The following PARD3B variants were observed in gnomAD, a reference collection of about 807,000 sequenced individuals.
PARD3B encodes partitioning defective 3 homolog B.
PARD3B carries 103 observed loss-of-function variants against 130.2 expected under a neutral mutation model. That is an observed-to-expected ratio of 0.79 (90% CI 0.67 to 0.93). PARD3B has a LOEUF of 0.93. PARD3B is among the 40% of genes least tolerant of loss of function. PARD3B has a pLI of 0.00. For synonymous variants in PARD3B, 583 were observed against 553.2 expected (o/e 1.05, Z -0.76); for missense variants, 1,609 against 1,499.2 (o/e 1.07, Z -1.21).
chr2:205,209,316 A>C (rs1172993471), intron 15 of PARD3B, among the ~76,000 whole-genome samples: 1 of 151,730 alleles, frequency 6.6e-6, no homozygotes, highest in Non-Finnish European at 1.5e-5. Flanking sequence ...ATGGGCAAGG[A>C]CTTCATGTCT....
In PARD3B at chr2:204,691,550, G is replaced by A. The variant is rs180996535; in HGVS notation, c.222+5268G>A. On this transcript the variant is annotated intron_variant, in intron 2 of 22. Transcript: ENST00000406610. ...TTGGGCAAGCTTCTTCATCTCTCTG[G>A]TCTTGGTTTCCCCATTTGTAAAATG... Among the ~76,000 whole-genome samples the A allele has an allele frequency of 2.8e-4, 43 of 152,080 alleles. No homozygotes were observed. The East Asian group carries it at 8.3e-3, about 29-fold the overall frequency.
chr2:205,273,351 C>CTCCT (rs1384006589), intron 16 of PARD3B, among the ~76,000 whole-genome samples: 1 of 152,230 alleles, frequency 6.6e-6, no homozygotes, highest in Non-Finnish European at 1.5e-5. Flanking sequence ...AAAGAGTTCG[C>CTCCT]TCCTTTGTTA....
At chr2:205,184,465 C>A (rs6719270) in intron 13 of PARD3B, among the ~76,000 whole-genome samples, 16 of 151,864 alleles carry the variant, frequency 1.1e-4, no homozygotes. Flanking sequence ...TAGTTTGGCC[C>A]GGCGCGGTGG....
At chr2:204,746,738 C>T (rs1275058132) in intron 2 of PARD3B, among the ~76,000 whole-genome samples, 24 of 152,116 alleles carry the variant, frequency 1.6e-4, no homozygotes, top group South Asian at 4.2e-4. Flanking sequence ...CCAGTGATGA[C>T]GAGCGTTTTT....
intron 2 of PARD3B, among the ~76,000 whole-genome samples, chr2:204,718,091 G>T (rs776242353): frequency 5.9e-5 from 9 of 152,090 alleles, no homozygotes; most frequent in African/African-American, 1.2e-4. Flanking sequence ...CGTATCATGA[G>T]AAATGAAAGC....
intron 4 of PARD3B, among the ~76,000 whole-genome samples, chr2:205,100,704 A>G (rs1702712456): frequency 1.3e-5 from 2 of 152,104 alleles, no homozygotes. Flanking sequence ...TGGAAAATTC[A>G]TTTTCTTTAA....
chr2:204,945,348 A>G (rs1205372428), intron 2 of PARD3B, among the ~76,000 whole-genome samples: 1 of 152,198 alleles, frequency 6.6e-6, no homozygotes, highest in East Asian at 1.9e-4. Flanking sequence ...GAAACTGCAT[A>G]CTTGTATAAG....
At chr2:205,247,902 A>G (rs1574495519) in intron 16 of PARD3B, among the ~76,000 whole-genome samples, 1 of 152,034 alleles carries the variant, frequency 6.6e-6, no homozygotes, top group African/African-American at 2.4e-5. Context: ...CTCTAAGAAC[A>G]TACCCTTCCC....
chr2:204,555,634 G>A (rs750069107), intron 1 of PARD3B, among the ~76,000 whole-genome samples: 3 of 152,112 alleles, frequency 2.0e-5, no homozygotes, highest in Non-Finnish European at 4.4e-5. Context: ...GAACCTGGAA[G>A]GTCTTGAGGA....
At chr2:204,853,843 A>G (rs2044809607) in intron 2 of PARD3B, among the ~76,000 whole-genome samples, 1 of 152,216 alleles carries the variant, frequency 6.6e-6, no homozygotes, top group Non-Finnish European at 1.5e-5. Flanking sequence ...TTAATAAGTA[A>G]TTGCACAAAT....
rs955110579 is a variant in PARD3B at position 205,078,363 on chromosome 2, G to T, written c.505-26063G>T. On this transcript the variant is annotated intron_variant, in intron 4 of 22. Transcript: ENST00000406610. The surrounding 1 kb of genome is among the most constrained non-coding windows in gnomAD (Gnocchi z 4.0). ...TCATTCTTCATAATTTTTATTAATT[G>T]TATGGTTTTCCTTTTATGTTTTCAG... is the stretch of plus-strand genomic sequence containing the variant. 1.3e-5 allele frequency among the ~76,000 whole-genome samples: 2 copies of T among 152,090 alleles called. No homozygotes were observed. Among genetic ancestry groups the T allele is most frequent in the African/African-American group, 4.8e-5 (2 of 41,434 alleles).
At position 205,440,880 on chromosome 2, in the gene PARD3B, T is replaced by A. The variant is rs1048874202; in HGVS notation, c.3044+208T>A. The stretch of plus-strand genomic sequence containing the variant: ...CCAATTGTAAGGTGGCATGAATGAA[T>A]AGTAGTAGCAGAGTTCATGATGCAA... On this transcript the variant is annotated intron_variant, in intron 20 of 22. Coordinates refer to ENST00000406610, the MANE Select transcript of PARD3B (RefSeq NM_001302769.2). The surrounding 1 kb of genome is among the most constrained non-coding windows in gnomAD (Gnocchi z 4.2). Among the ~76,000 whole-genome samples, 1 of 152,130 alleles carries A rather than the reference T, an allele frequency of 6.6e-6. No homozygotes were observed. Among genetic ancestry groups the A allele is most frequent in the Admixed American group, 6.6e-5 (1 of 15,266 alleles).
intron 4 of PARD3B, among the ~76,000 whole-genome samples, chr2:205,056,102 T>A (rs1699614856): frequency 2.0e-5 from 3 of 152,078 alleles, no homozygotes; most frequent in Admixed American, 1.3e-4. Flanking sequence ...AAAGGGTTAA[T>A]GAGAGTTCAC....
In PARD3B at chr2:205,543,984, C is replaced by A. The variant is rs1164683415; in HGVS notation, c.3181-9340C>A. Among the ~76,000 whole-genome samples, 6 of 152,240 alleles carry A rather than the reference C, an allele frequency of 3.9e-5. No individual in the cohort carries two copies. The East Asian group carries it at 1.2e-3, about 29-fold the overall frequency. On this transcript the variant is annotated intron_variant, in intron 21 of 22. Transcript: ENST00000406610. ...TAAGAAATAATATGAACTAGTATAT[C>A]ATTTAAGAATTGAACATATTTTGAG...
intron 1 of PARD3B, 49 bp downstream of exon 1, chr2:204,546,168 CCAGGTGCGACCCGGTGGCGACACT>C: frequency 6.5e-7 from 1 of 1,547,176 alleles, no homozygotes; most frequent in Non-Finnish European, 8.7e-7. Flanking sequence ...AAGGCACCTG[CCAGGTGCGACCCGGTGGCGACACT>C]CAGGGGATGC....
In PARD3B at chr2:205,530,212, A is replaced by G. The variant is rs913145517; in HGVS notation, c.3181-23112A>G. Among the ~76,000 whole-genome samples the G allele has an allele frequency of 2.0e-5, 3 of 152,164 alleles. No individual in the cohort carries two copies. Among genetic ancestry groups the G allele is most frequent in the Non-Finnish European group, 4.4e-5 (3 of 68,016 alleles). On this transcript the variant is annotated intron_variant, in intron 21 of 22. Transcript: ENST00000406610. This position sits in a 1 kb window ranked among gnomAD's most constrained non-coding sequence, Gnocchi z 4.7. ...ACCAAAAGTTCTCTCCGCCACATTT[A>G]TGTTTCTAGTGAAGTTTGGAGAAAA...
At chr2:205,000,394 T>G (rs564219455) in intron 3 of PARD3B, among the ~76,000 whole-genome samples, 17 of 152,220 alleles carry the variant, frequency 1.1e-4, no homozygotes, top group African/African-American at 3.9e-4. Flanking sequence ...CGAGATAAGG[T>G]TAGAGAAATA....
Position 205,216,156 on chromosome 2 carries a change from C to T in PARD3B, c.2140+22836C>T, listed in dbSNP as rs116604164. Reference sequence around the variant, plus strand: ...ATTTGTTTAGAAACACAGATACTTACCATTAGGTTGAAATTGCCTATAGTA... The same window carrying T: ...ATTTGTTTAGAAACACAGATACTTATCATTAGGTTGAAATTGCCTATAGTA... On this transcript the variant is annotated intron_variant, in intron 15 of 22. Coordinates refer to ENST00000406610, the MANE Select transcript of PARD3B (RefSeq NM_001302769.2). Among the ~76,000 whole-genome samples, 695 of 152,162 alleles carry T rather than the reference C, an allele frequency of 4.6e-3. 5 individuals are homozygous for T. The highest frequency in any genetic ancestry group is 0.016 in the African/African-American group (667 of 41,524).
intron 2 of PARD3B, among the ~76,000 whole-genome samples, chr2:204,733,414 T>A (rs2125344515): frequency 6.6e-6 from 1 of 150,912 alleles, no homozygotes; most frequent in South Asian, 2.1e-4. Context: ...TTTATGTCAT[T>A]AAAAATGCTA....
Sources: gnomAD v4.1 joint callset for allele counts (sites outside exome capture counted in the v4.1 genomes callset) on GRCh38, gnomAD v4.1.1 for gene constraint, Gnocchi (gnomAD v3.1) non-coding constraint, MANE v1.5 for transcripts, NCBI Gene and HGNC (gene_info 2026-07-23, HGNC 2026-07-21) for gene names.